RALGAPA1: variants seen among roughly 807,000 people sequenced by gnomAD.
The protein encoded by RALGAPA1 is ral GTPase-activating protein subunit alpha-1.
In RALGAPA1, 52 loss-of-function variants were observed where a neutral mutation model predicts 269.6. The observed-to-expected ratio is 0.19, with a 90% CI of 0.15 to 0.24. The LOEUF (loss-of-function observed/expected upper bound fraction) is 0.24, where lower values mean the gene tolerates loss of function less well. Ranked by LOEUF, RALGAPA1 falls within the 10% of genes least tolerant of loss-of-function variation. The pLI is 1.00. For missense variants in RALGAPA1, 1,917 were observed against 3,013.9 expected, an observed-to-expected ratio of 0.64 and a Z score of 8.52; for synonymous variants, 817 against 1,008.3, an observed-to-expected ratio of 0.81 and a Z score of 3.60.
chr14:35,681,070 T>C (rs1385026326), intron 21 of RALGAPA1, among the ~76,000 whole-genome samples: 2 of 152,188 alleles, frequency 1.3e-5, no homozygotes, highest in African/African-American at 4.8e-5. Context: ...CTAGATTTCT[T>C]TCGTAGTTTC....
At chr14:35,554,828 G>C (rs1445103930) in intron 39 of RALGAPA1, among the ~76,000 whole-genome samples, 1 of 152,140 alleles carries the variant, frequency 6.6e-6, no homozygotes. Flanking sequence ...TGGGGACAGA[G>C]ACCTTGTCTT....
chr14:35,747,789 T>C (rs896588426), intron 10 of RALGAPA1, among the ~76,000 whole-genome samples: 2 of 152,222 alleles, frequency 1.3e-5, no homozygotes, highest in African/African-American at 2.4e-5. Context: ...GAGCAAATAG[T>C]AGTTTTCATA....
At chr14:35,683,470 T>A (rs1349571014) in intron 21 of RALGAPA1, 1 of 162,212 alleles carries the variant, frequency 6.2e-6, no homozygotes, top group Non-Finnish European at 1.3e-5. Flanking sequence ...TTATTTATTT[T>A]AAAAATCACT....
At chr14:35,668,272 C>A (rs2064116645) in intron 26 of RALGAPA1, among the ~76,000 whole-genome samples, 1 of 152,168 alleles carries the variant, frequency 6.6e-6, no homozygotes, top group Admixed American at 6.5e-5. Flanking sequence ...CACCTAAGGT[C>A]AGGAGTTCAA....
chr14:35,634,546 A>G, intron 33 of RALGAPA1, 28 bp downstream of exon 33: 1 of 1,576,566 alleles, frequency 6.3e-7, no homozygotes, highest in Non-Finnish European at 8.6e-7. Context: ...CCAAGCAACA[A>G]TATTGTCCTG....
At chr14:35,558,766 C>T (rs748003914) in intron 39 of RALGAPA1, among the ~76,000 whole-genome samples, 9 of 152,110 alleles carry the variant, frequency 5.9e-5, no homozygotes, top group Non-Finnish European at 1.0e-4. Context: ...GTTTGCAACT[C>T]GACAATGGTA....
chr14:35,630,229 C>G (rs986570452), intron 33 of RALGAPA1, among the ~76,000 whole-genome samples: 2 of 152,000 alleles, frequency 1.3e-5, no homozygotes, highest in Non-Finnish European at 2.9e-5. Context: ...ATTTTAATTT[C>G]CCATTATCAG....
rs2067226185 is a variant in RALGAPA1, at chr14:35,700,149, G to C, written c.2407+13C>G. ...GAAAAAGGTGGTGCAGAAATTAGCA[G>C]AGGTGGCACTACCTGAAAGCTCATC... On this transcript the variant is annotated intron_variant, in intron 17 of 41. Coordinates refer to ENST00000680220, the MANE Select transcript of RALGAPA1 (RefSeq NM_001346249.2). 6.6e-7 allele frequency: 1 copy of C among 1,516,370 alleles called. No individual in the cohort carries two copies. The highest frequency in any genetic ancestry group is 8.8e-7 in the Non-Finnish European group (1 of 1,141,670). The allele number at this position is 1,516,370 out of a possible 1,614,324, so 93.9% of individuals were successfully genotyped here.
intron 1 of RALGAPA1, among the ~76,000 whole-genome samples, chr14:35,779,130 T>C (rs1201423575): frequency 6.6e-6 from 1 of 152,204 alleles, no homozygotes; most frequent in Non-Finnish European, 1.5e-5. Context: ...TAGTTAAATA[T>C]AGTTTATCAA....
rs200412447 is a variant in RALGAPA1 at position 35,651,890 on chromosome 14, AT to A, written c.5608-18del. 450 of 520,968 alleles carry A rather than the reference AT, an allele frequency of 8.6e-4. No homozygotes were observed. The highest frequency in any genetic ancestry group is 2.3e-3 in the Admixed American group (77 of 33,922). 32.3% of individuals were successfully genotyped at this position (520,968 alleles called of 1,614,324 possible). A position where few individuals can be genotyped will look rare whatever the true frequency, so the allele number is the denominator to read the frequency against. ...TATTAGGATCTGTAAGCAAAAAAAA[AT>A]TTTTTTAAAAGCTCTATATATGTCA... On this transcript the variant is annotated intron_variant, in intron 30 of 41. Coordinates refer to ENST00000680220, the MANE Select transcript of RALGAPA1 (RefSeq NM_001346249.2).
At chr14:35,653,844 C>G (rs2063002725) in intron 30 of RALGAPA1, among the ~76,000 whole-genome samples, 1 of 151,964 alleles carries the variant, frequency 6.6e-6, no homozygotes. Flanking sequence ...TCACAAATGA[C>G]TGGCTAAAGA....
Position 35,725,846 on chromosome 14 carries a change from T to C in RALGAPA1, c.1737-693A>G, listed in dbSNP as rs144021836. Among the ~76,000 whole-genome samples the C allele has an allele frequency of 1.1e-4, 16 of 152,314 alleles. No homozygotes were observed. The East Asian group carries it at 2.5e-3, about 24-fold the overall frequency. ...TTAATCAAGGGCCATTACTCTATTG[T>C]TTCTTTCCACTCTTTTCATTATGCA... On this transcript the variant is annotated intron_variant, in intron 13 of 41. Coordinates refer to ENST00000680220, the MANE Select transcript of RALGAPA1 (RefSeq NM_001346249.2).
chr14:35,756,968 TA>T, intron 6 of RALGAPA1, 60 bp from the exon 7 acceptor site: 1 of 1,380,966 alleles, frequency 7.2e-7, no homozygotes, highest in Non-Finnish European at 9.5e-7. Flanking sequence ...AACAATAATA[TA>T]ACCAAATAAA....
intron 39 of RALGAPA1, 91 bp downstream of exon 39, chr14:35,570,526 A>C (rs2057100226): frequency 2.9e-6 from 3 of 1,051,932 alleles, no homozygotes; most frequent in Non-Finnish European, 3.9e-6. Flanking sequence ...AAACCCTAGA[A>C]AATAAAAGGC....
chr14:35,585,706 G>A (rs935809348), intron 37 of RALGAPA1, among the ~76,000 whole-genome samples: 4 of 152,108 alleles, frequency 2.6e-5, no homozygotes, highest in African/African-American at 9.7e-5. Flanking sequence ...TATTAAATAG[G>A]GAATCCTTTC....
chr14:35,579,446 T>C (rs1278583017), intron 37 of RALGAPA1, among the ~76,000 whole-genome samples: 1 of 151,878 alleles, frequency 6.6e-6, no homozygotes, highest in Non-Finnish European at 1.5e-5. Flanking sequence ...CTGGCAAACA[T>C]GGTGAAACCT....
At chr14:35,756,989 CA>C in intron 6 of RALGAPA1, 81 bp from the exon 7 acceptor site, 1 of 1,225,508 alleles carries the variant, frequency 8.2e-7, no homozygotes, top group South Asian at 2.6e-5. Flanking sequence ...ACTTTAACTG[CA>C]AAATGAGTAT....
At chr14:35,567,813 G>A (rs8019470) in intron 39 of RALGAPA1, among the ~76,000 whole-genome samples, 2,008 of 152,194 alleles carry the variant, frequency 0.013, 44 homozygotes, top group African/African-American at 0.045. Flanking sequence ...ATAGAGTTTT[G>A]CATTACAATC....
chr14:35,801,793 T>A (rs1271539086), intron 1 of RALGAPA1, among the ~76,000 whole-genome samples: 1 of 152,046 alleles, frequency 6.6e-6, no homozygotes, highest in Non-Finnish European at 1.5e-5. Context: ...GTTAGGATCA[T>A]ATTATACAGT....
Sources: allele counts gnomAD v4.1 joint callset (sites outside exome capture counted in the v4.1 genomes callset), GRCh38; gene constraint gnomAD v4.1.1; transcripts MANE v1.5; gene names NCBI Gene and HGNC (gene_info 2026-07-23, HGNC 2026-07-21).